Variants in UBN1 observed in about 807,000 individuals in gnomAD.
The protein encoded by UBN1 is ubinuclein 1, also known as ubinuclein-1.
Under a neutral mutation model 108.5 loss-of-function variants are expected in UBN1, and 17 were observed. The observed-to-expected ratio is 0.16, with a 90% CI of 0.11 to 0.24. The LOEUF (loss-of-function observed/expected upper bound fraction) is 0.24. Among genes scored for constraint, UBN1 ranks in the 10% least tolerant of loss-of-function variants. The probability of loss-of-function intolerance (pLI) is 1.00; values close to 1 mark genes in which losing one functional copy is unlikely to be tolerated. For synonymous variants in UBN1, 726 were observed against 564.2 expected (o/e 1.29, Z -4.07); for missense variants, 1,595 against 1,394.4 (o/e 1.14, Z -2.29).
chr16:4,851,366 C>T (rs2086548884), intron 1 of UBN1, among the ~76,000 whole-genome samples: 1 of 152,152 alleles, frequency 6.6e-6, no homozygotes, highest in Non-Finnish European at 1.5e-5. Context: ...AGGAGGATCG[C>T]TTTAGCTTGG....
Position 4,870,616 on chromosome 16 carries a change from C to G in UBN1, c.1412C>G (p.Thr471Arg). ...TACCAGGACGAATGCCAGGCACACA[C>G]GCAGGCAAAGGTTGCCAAGTAAGTT... ...AKYQDECQAH[T>R]QAKVAKMLEE... The change falls in exon 10 of 18, where the codon ACG (threonine) becomes AGG (arginine). Residue 471 changes from threonine (T) to arginine (R), a missense_variant. Thr to Arg is a moderately conservative substitution (Grantham distance 71, BLOSUM62 -1). Transcript: ENST00000262376. 1 of 1,614,144 alleles carries G rather than the reference C, an allele frequency of 6.2e-7. No homozygotes were observed. The highest frequency in any genetic ancestry group is 1.1e-5 in the South Asian group (1 of 91,090).
rs865812906 is a variant in UBN1 at position 4,852,882 on chromosome 16, C to G, written c.-36C>G. On this transcript the variant is annotated 5_prime_UTR_variant, in exon 2 of 18. Transcript: ENST00000262376. The stretch of plus-strand genomic sequence containing the variant: ...CCCTTCTTTTCAATGTTAACAGAAG[C>G]CATGCAGTGACACCCGCTAAGACTT... 18 of 1,589,650 alleles carry G rather than the reference C, an allele frequency of 1.1e-5. No homozygotes were observed. The Middle Eastern group carries it at 5.1e-4, about 45-fold the overall frequency.
At position 4,847,579 on chromosome 16, in the gene UBN1, CG is replaced by C; in HGVS notation, c.-669del. 5.4e-6 allele frequency: 2 copies of C among 370,372 alleles called. No individual in the cohort carries two copies. The highest frequency in any genetic ancestry group is 9.8e-6 in the Non-Finnish European group (2 of 204,904). The allele number at this position is 370,372 out of a possible 1,614,324, so 22.9% of individuals were successfully genotyped here. On this transcript the variant is annotated 5_prime_UTR_variant, in exon 1 of 18. Transcript: ENST00000262376. ...CGACCGGCTGAGCGCGAGAGGGAGCCGGCCTCGCGGCTCGCCCCGCCCCCGG... is the reference window on the plus strand; with the variant it reads ...CGACCGGCTGAGCGCGAGAGGGAGCCGCCTCGCGGCTCGCCCCGCCCCCGG...
chr16:4,856,335 G>T (rs2086808667), intron 2 of UBN1, among the ~76,000 whole-genome samples: 1 of 152,198 alleles, frequency 6.6e-6, no homozygotes, highest in African/African-American at 2.4e-5. Flanking sequence ...CTCCTAAATC[G>T]TCGTGGGTCT....
intron 14 of UBN1, among the ~76,000 whole-genome samples, chr16:4,873,533 A>T (rs2087738800): frequency 6.6e-6 from 1 of 152,224 alleles, no homozygotes; most frequent in African/African-American, 2.4e-5. Flanking sequence ...GATGTTGCAG[A>T]AACCTCTCAA....
intron 1 of UBN1, among the ~76,000 whole-genome samples, chr16:4,851,115 G>T (rs961704363): frequency 3.9e-5 from 6 of 152,224 alleles, no homozygotes; most frequent in African/African-American, 1.2e-4. Flanking sequence ...AGTGATTGAT[G>T]CTGGAAGAAA....
At position 4,881,513 on chromosome 16, in the gene UBN1, G is replaced by C. The variant is rs969792705; in HGVS notation, c.*1381G>C. 1.3e-5 allele frequency: 2 copies of C among 152,124 alleles called. No homozygotes were observed. The highest frequency in any genetic ancestry group is 6.6e-5 in the Admixed American group (1 of 15,264). The allele number at this position is 152,124 out of a possible 1,614,324, so 9.4% of individuals were successfully genotyped here. On this transcript the variant is annotated 3_prime_UTR_variant, in exon 18 of 18. Transcript: ENST00000262376. ...GTGATCAGGCACGTTGAGAGTATAC[G>C]GTGTCCTCAGCACATACACCTGTGG... is the stretch of plus-strand genomic sequence containing the variant.
rs1056654020 is a variant in UBN1, at chr16:4,862,625, A to G, written c.1110+1523A>G. On this transcript the variant is annotated intron_variant, in intron 7 of 17. Transcript: ENST00000262376. ...AGTCTTGTTAAATCATTTAAGGTCTATGTGACGATAGATGGTCGTTAGAGA... is the reference window on the plus strand; with the variant it reads ...AGTCTTGTTAAATCATTTAAGGTCTGTGTGACGATAGATGGTCGTTAGAGA... Among the ~76,000 whole-genome samples, 9 of 152,250 alleles carry G rather than the reference A, an allele frequency of 5.9e-5. No individual in the cohort carries two copies. The East Asian group carries it at 7.7e-4, about 13-fold the overall frequency.
rs764667951 is a variant in UBN1 at position 4,875,176 on chromosome 16, A to T, written c.2766A>T (p.Gly922=). ...CTTCTGGCAGCTCTTCCTCGGGAGG[A>T]ACACCAGTCCAGAGTTCTGTTTCTG... ...GVSSGSSSSG[G]TPVQSSVSGS... The change falls in exon 15 of 18, where the codon GGA becomes GGT. Residue 922 remains glycine (G), a synonymous_variant. Coordinates refer to ENST00000262376, the MANE Select transcript of UBN1 (RefSeq NM_001079514.3). The T allele has an allele frequency of 1.2e-6, 2 of 1,614,220 alleles. No homozygotes were observed. The highest frequency in any genetic ancestry group is 2.2e-5 in the South Asian group (2 of 91,086).
chr16:4,870,659 G>GCGC (rs1567939086), intron 10 of UBN1, 25 bp downstream of exon 10: 3 of 1,613,566 alleles, frequency 1.9e-6, no homozygotes, highest in Non-Finnish European at 1.7e-6. Flanking sequence ...GCGCTTGCAG[G>GCGC]TGCAACCCTC....
At chr16:4,859,780 C>A (rs763181771) in intron 5 of UBN1, 85 bp from the exon 6 acceptor site, 1 of 1,575,944 alleles carries the variant, frequency 6.3e-7, no homozygotes, top group Non-Finnish European at 8.6e-7. Context: ...GGATGTGCCC[C>A]GGGCGGAGCA....
chr16:4,852,773 A>G, intron 1 of UBN1, 106 bp from the exon 2 acceptor site: 1 of 1,167,236 alleles, frequency 8.6e-7, no homozygotes, highest in Non-Finnish European at 1.2e-6. Context: ...ATAACAATGG[A>G]GTTTTCTTGA....
Position 4,870,598 on chromosome 16 carries a change from A to G in UBN1, c.1394A>G (p.Asp465Gly). ...CCAGAGCAGATGGCCAAGTACCAGG[A>G]CGAATGCCAGGCACACACGCAGGCA... ...AMPEQMAKYQ[D>G]ECQAHTQAKV... Residue 465 changes from aspartate to glycine, a missense_variant, in exon 10 of 18, where the codon GAC becomes GGC. Coordinates refer to ENST00000262376, the MANE Select transcript of UBN1 (RefSeq NM_001079514.3). 4 of 1,614,226 alleles carry G rather than the reference A, an allele frequency of 2.5e-6. No homozygotes were observed. Among genetic ancestry groups the G allele is most frequent in the Non-Finnish European group, 8.5e-7 (1 of 1,180,046 alleles).
intron 4 of UBN1, 84 bp downstream of exon 4, chr16:4,858,747 C>A: frequency 7.3e-7 from 1 of 1,378,258 alleles, no homozygotes; most frequent in Non-Finnish European, 1.0e-6. Context: ...GGGGTGGGGT[C>A]AGAGCAGTCG....
chr16:4,869,596 C>T (rs535324857), intron 8 of UBN1, among the ~76,000 whole-genome samples: 25 of 152,330 alleles, frequency 1.6e-4, no homozygotes, highest in African/African-American at 5.3e-4. Flanking sequence ...TGTTCTACCA[C>T]ATGGCCTCGC....
Position 4,877,749 on chromosome 16 carries a change from G to T in UBN1, c.3355+275G>T. 2 of 1,172,878 alleles carry T rather than the reference G, an allele frequency of 1.7e-6. No homozygotes were observed. The highest frequency in any genetic ancestry group is 7.6e-5 in the East Asian group (2 of 26,220). 72.7% of individuals were successfully genotyped at this position (1,172,878 alleles called of 1,614,324 possible). Reference sequence around the variant, plus strand: ...GGGGGGCAGGGTGGTGCGCTTTTGTGTGCGGTGGAGGAGTTCCTAACCCTC... The same window carrying T: ...GGGGGGCAGGGTGGTGCGCTTTTGTTTGCGGTGGAGGAGTTCCTAACCCTC... On this transcript the variant is annotated intron_variant, in intron 17 of 17. Transcript: ENST00000262376. This position sits in a 1 kb window ranked among gnomAD's most constrained non-coding sequence, Gnocchi z 4.3.
chr16:4,862,163 T>C (rs2087097814), intron 7 of UBN1, among the ~76,000 whole-genome samples: 1 of 152,352 alleles, frequency 6.6e-6, no homozygotes, highest in East Asian at 1.9e-4. Flanking sequence ...GCAGTCATAA[T>C]CTACAGCTGT....
chr16:4,869,015 C>A (rs964575080), intron 8 of UBN1, 112 bp downstream of exon 8: 17 of 991,598 alleles, frequency 1.7e-5, no homozygotes, highest in African/African-American at 5.0e-5. Context: ...AGGTGACCAC[C>A]AAGGAGATAA....
chr16:4,870,779 G>C, intron 10 of UBN1, 65 bp from the exon 11 acceptor site: 1 of 1,606,092 alleles, frequency 6.2e-7, no homozygotes, highest in Non-Finnish European at 8.5e-7. Flanking sequence ...CAGTAGTGCA[G>C]AGTGAGGGGA....
Sources: allele counts gnomAD v4.1 joint callset (sites outside exome capture counted in the v4.1 genomes callset), GRCh38; gene constraint gnomAD v4.1.1; non-coding constraint Gnocchi (gnomAD v3.1); transcripts MANE v1.5; gene names NCBI Gene and HGNC (gene_info 2026-07-23, HGNC 2026-07-21).